LARP4B: variants seen among roughly 807,000 people sequenced by gnomAD.
LARP4B encodes the protein La ribonucleoprotein 4B.
LARP4B carries 12 observed loss-of-function variants against 89.8 expected under a neutral mutation model. The observed-to-expected ratio is 0.13, with a 90% CI of 0.09 to 0.22. The LOEUF is 0.22. Among genes scored for constraint, LARP4B ranks in the 10% least tolerant of loss-of-function variants. LARP4B has a pLI of 1.00. For synonymous variants in LARP4B, 367 were observed against 363.3 expected (o/e 1.01, Z -0.12); for missense variants, 757 against 947.7 (o/e 0.80, Z 2.64).
chr10:968,749 ATCT>A, the LARP4B span, among the ~76,000 whole-genome samples: 13 of 152,260 alleles, frequency 8.5e-5, no homozygotes, highest in Non-Finnish European at 1.5e-4. Context: ...AGGAAATGCC[ATCT>A]TCTTCAGAGT....
chr10:858,780 G>T (rs1054398938), intron 5 of LARP4B, among the ~76,000 whole-genome samples: 2 of 152,166 alleles, frequency 1.3e-5, no homozygotes, highest in African/African-American at 4.8e-5. Flanking sequence ...CAAAAAGGGT[G>T]CTTGGCATCA....
At chr10:965,230 G>A in the LARP4B span, among the ~76,000 whole-genome samples, 5 of 152,228 alleles carry the variant, frequency 3.3e-5, no homozygotes, top group South Asian at 2.1e-4. Context: ...TGAGGGCCCC[G>A]CTCGGCTGTC....
chr10:829,766 C>A, intron 9 of LARP4B, 32 bp from the exon 10 acceptor site: 2 of 1,522,546 alleles, frequency 1.3e-6, no homozygotes, highest in South Asian at 1.1e-5. Flanking sequence ...AAATTCCATT[C>A]GATTAACCTT....
At chr10:850,501 TA>T (rs1252033418) in intron 5 of LARP4B, among the ~76,000 whole-genome samples, 1 of 152,136 alleles carries the variant, frequency 6.6e-6, no homozygotes, top group Non-Finnish European at 1.5e-5. Context: ...CTGATAAAAC[TA>T]AAAGGATAAA....
intron 1 of LARP4B, among the ~76,000 whole-genome samples, chr10:903,835 T>A (rs925348775): frequency 1.3e-5 from 2 of 152,294 alleles, no homozygotes; most frequent in East Asian, 3.9e-4. Context: ...AGTAAACTCA[T>A]TTTTTAGAAT....
chr10:875,675 CAT>C (rs561990540), intron 3 of LARP4B, among the ~76,000 whole-genome samples: 74 of 152,332 alleles, frequency 4.9e-4, no homozygotes, highest in African/African-American at 1.6e-3. Context: ...CACCATCACA[CAT>C]GTGAGGAAAT....
At chr10:889,321 G>A (rs772609562) in intron 1 of LARP4B, among the ~76,000 whole-genome samples, 2 of 152,104 alleles carry the variant, frequency 1.3e-5, no homozygotes, top group Non-Finnish European at 2.9e-5. Flanking sequence ...AGCTCAAGGA[G>A]CAAGGTGGGA....
the LARP4B span, among the ~76,000 whole-genome samples, chr10:982,407 T>C: frequency 6.6e-6 from 1 of 152,146 alleles, no homozygotes; most frequent in Non-Finnish European, 1.5e-5. Flanking sequence ...TATAACTTTT[T>C]ATATTTTAAA....
chr10:954,666 G>A, the LARP4B span, among the ~76,000 whole-genome samples: 1 of 152,146 alleles, frequency 6.6e-6, no homozygotes. This position sits in a 1 kb window ranked among gnomAD's most constrained non-coding sequence, Gnocchi z 5.0. Context: ...GTGAGTGGCA[G>A]CGGAGTCCTT....
At chr10:909,105 T>C (rs1236465757) in intron 1 of LARP4B, among the ~76,000 whole-genome samples, 3 of 151,876 alleles carry the variant, frequency 2.0e-5, no homozygotes, top group Non-Finnish European at 2.9e-5. Context: ...TCATCCTGGC[T>C]AACACGGTGA....
the LARP4B span, among the ~76,000 whole-genome samples, chr10:958,568 GCACA>G: frequency 6.6e-6 from 1 of 152,234 alleles, no homozygotes; most frequent in African/African-American, 2.4e-5. Flanking sequence ...AGGGGCCTCT[GCACA>G]CCCCACACCT....
intron 5 of LARP4B, among the ~76,000 whole-genome samples, chr10:857,300 G>T (rs1588919206): frequency 6.6e-6 from 1 of 152,194 alleles, no homozygotes; most frequent in East Asian, 1.9e-4. Flanking sequence ...CAAGCAGAGA[G>T]ATGGAAATCC....
chr10:845,185 AAATG>A, intron 5 of LARP4B, 130 bp from the exon 6 acceptor site: 1 of 589,614 alleles, frequency 1.7e-6, no homozygotes, highest in South Asian at 2.6e-5. Context: ...TAAGTAAGAA[AAATG>A]CTACTTTACC....
At chr10:974,115 AAACAT>A in the LARP4B span, among the ~76,000 whole-genome samples, 1 of 152,132 alleles carries the variant, frequency 6.6e-6, no homozygotes, top group African/African-American at 2.4e-5. Context: ...ACAGCTAATC[AAACAT>A]CACACCTTTT....
chr10:865,355 C>G (rs998854535), intron 3 of LARP4B, among the ~76,000 whole-genome samples: 1 of 152,178 alleles, frequency 6.6e-6, no homozygotes, highest in Non-Finnish European at 1.5e-5. Context: ...ATGACAGTCA[C>G]GCATGCTCAG....
At chr10:959,752 G>A in the LARP4B span, among the ~76,000 whole-genome samples, 2 of 61,372 alleles carry the variant, frequency 3.3e-5, no homozygotes, top group Admixed American at 2.2e-4. Context: ...CCACCTCCCC[G>A]TCAATCCACC....
At chr10:983,313 C>G in the LARP4B span, among the ~76,000 whole-genome samples, 5 of 152,214 alleles carry the variant, frequency 3.3e-5, no homozygotes, top group Admixed American at 3.3e-4. Context: ...TAGCTATTGT[C>G]AACCTTTACT....
At chr10:904,149 T>TTG (rs1384001814) in intron 1 of LARP4B, among the ~76,000 whole-genome samples, 1 of 152,062 alleles carries the variant, frequency 6.6e-6, no homozygotes, top group Non-Finnish European at 1.5e-5. Flanking sequence ...CCAAGCACAA[T>TTG]GATGCATACC....
chr10:816,932 T>C (rs1832093092), intron 15 of LARP4B, among the ~76,000 whole-genome samples: 1 of 151,780 alleles, frequency 6.6e-6, no homozygotes, highest in Non-Finnish European at 1.5e-5. Flanking sequence ...CAGACCTGGG[T>C]GGGGTAGCAA....
Sources: allele counts gnomAD v4.1 joint callset (sites outside exome capture counted in the v4.1 genomes callset), GRCh38; gene constraint gnomAD v4.1.1; non-coding constraint Gnocchi (gnomAD v3.1); transcripts MANE v1.5; gene names NCBI Gene and HGNC (gene_info 2026-07-23, HGNC 2026-07-21).